The following SLC30A8 variants were observed in gnomAD, a reference collection of about 807,000 sequenced individuals.
The protein encoded by SLC30A8 is solute carrier family 30 member 8.
In SLC30A8, 27 loss-of-function variants were observed where a neutral mutation model predicts 36.9. The observed-to-expected ratio is 0.73, with a 90% confidence interval of 0.54 to 1.01. SLC30A8 has a LOEUF of 1.01. Among genes scored for constraint, SLC30A8 ranks in the 50% least tolerant of loss-of-function variants. SLC30A8 has a pLI of 0.00. For synonymous variants in SLC30A8, 164 were observed against 172.4 expected (o/e 0.95, Z 0.38); for missense variants, 439 against 452.0 (o/e 0.97, Z 0.26).
chr8:117,030,056 G>A (rs1816987531), intron 1 of SLC30A8, among the ~76,000 whole-genome samples: 1 of 151,982 alleles, frequency 6.6e-6, no homozygotes, highest in African/African-American at 2.4e-5. Context: ...CAGAGCATAG[G>A]AAATTCCCTG....
Position 117,175,118 on chromosome 8 carries a change from TTTTG to T in SLC30A8, c.*2440_*2443del. The T allele has an allele frequency of 6.6e-6, 1 of 152,152 alleles. No individual in the cohort carries two copies. The highest frequency in any genetic ancestry group is 1.5e-5 in the Non-Finnish European group (1 of 68,016). 9.4% of individuals were successfully genotyped at this position (152,152 alleles called of 1,614,324 possible). A position where few individuals can be genotyped will look rare whatever the true frequency, so the allele number is the denominator to read the frequency against. On this transcript the variant is annotated 3_prime_UTR_variant, in exon 8 of 8. Transcript: ENST00000456015. ...ACATTAATGATCTTTTATGTCTTTTTTTTGTTATTGTTATACTTTAAGTTCTGGG... is the reference window on the plus strand; with the variant it reads ...ACATTAATGATCTTTTATGTCTTTTTTTATTGTTATACTTTAAGTTCTGGG...
At chr8:117,046,575 AT>A (rs1238039438) in intron 2 of SLC30A8, among the ~76,000 whole-genome samples, 1 of 152,222 alleles carries the variant, frequency 6.6e-6, no homozygotes, top group African/African-American at 2.4e-5. Context: ...GGGAACTAAA[AT>A]TTATTGAATG....
intron 1 of SLC30A8, among the ~76,000 whole-genome samples, chr8:116,994,537 A>G (rs1815751437): frequency 2.0e-5 from 3 of 152,138 alleles, no homozygotes; most frequent in Admixed American, 2.0e-4. Flanking sequence ...GACAACATAC[A>G]GTTCTGTAGG....
intron 1 of SLC30A8, among the ~76,000 whole-genome samples, chr8:116,977,665 C>T (rs1487255455): frequency 1.3e-5 from 2 of 151,980 alleles, no homozygotes; most frequent in African/African-American, 2.4e-5. Flanking sequence ...GCGTGTGTCA[C>T]CACACCTGGC....
Position 117,067,178 on chromosome 8 carries a change from C to G in SLC30A8, c.-226+27920C>G, listed in dbSNP as rs117105034. ...CATTAGGGTAACCAGCCCCATGATT[C>G]AATTACCTCCCACCAGGTCCCTCTC... On this transcript the variant is annotated intron_variant, in intron 2 of 10. Transcript: ENST00000427715. Among the ~76,000 whole-genome samples, 49 of 152,228 alleles carry G rather than the reference C, an allele frequency of 3.2e-4. No individual in the cohort carries two copies. The East Asian group carries it at 7.9e-3, about 25-fold the overall frequency.
chr8:117,154,879 ACT>A (rs1161113505), intron 3 of SLC30A8, among the ~76,000 whole-genome samples: 1 of 151,902 alleles, frequency 6.6e-6, no homozygotes, highest in African/African-American at 2.4e-5. Flanking sequence ...TATTAATAGA[ACT>A]CTCTGCTGCG....
intron 6 of SLC30A8, among the ~76,000 whole-genome samples, chr8:117,168,406 C>A (rs1490112497): frequency 1.3e-5 from 2 of 151,976 alleles, no homozygotes; most frequent in African/African-American, 2.4e-5. Context: ...TATGAATGAT[C>A]AGTGGTTTTT....
At chr8:117,157,653 ATCTGTGTGTGGGTT>A (rs1822564210) in intron 3 of SLC30A8, 24 bp from the exon 4 acceptor site, 2 of 1,610,158 alleles carry the variant, frequency 1.2e-6, no homozygotes, top group African/African-American at 1.3e-5. Context: ...TGATGGAGTT[ATCTGTGTGTGGGTT>A]TCTGTGTGTG....
chr8:117,108,559 C>A (rs62510516), intron 2 of SLC30A8, among the ~76,000 whole-genome samples: 8,738 of 152,172 alleles, frequency 0.057, 296 homozygotes, highest in East Asian at 0.12. Flanking sequence ...ATTCTTATAA[C>A]GATCCTAAAA....
chr8:117,018,671 C>A (rs190556960), intron 1 of SLC30A8, among the ~76,000 whole-genome samples: 3 of 124,460 alleles, frequency 2.4e-5, no homozygotes, highest in Middle Eastern at 3.8e-3. Context: ...TAGCCCCCCC[C>A]CCCCTTTTTT....
chr8:116,981,807 C>T (rs1486619433), intron 1 of SLC30A8, among the ~76,000 whole-genome samples: 1 of 152,070 alleles, frequency 6.6e-6, no homozygotes, highest in African/African-American at 2.4e-5. Flanking sequence ...ATTTTAAATC[C>T]AGTCTATGAT....
At chr8:117,072,012 C>T (rs550500644) in intron 2 of SLC30A8, among the ~76,000 whole-genome samples, 2 of 152,294 alleles carry the variant, frequency 1.3e-5, no homozygotes, top group South Asian at 4.1e-4. Context: ...CAAGCTTCCT[C>T]ATCAGGAGCT....
intron 4 of SLC30A8, 51 bp from the exon 5 acceptor site, chr8:117,161,687 C>T (rs370977514): frequency 3.2e-6 from 5 of 1,539,458 alleles, no homozygotes; most frequent in Admixed American, 1.9e-5. Flanking sequence ...ATGCTGCCTA[C>T]GTTTTTAAGA....
chr8:117,124,761 C>CA (rs1388455623), intron 2 of SLC30A8, among the ~76,000 whole-genome samples: 1 of 150,780 alleles, frequency 6.6e-6, no homozygotes, highest in Non-Finnish European at 1.5e-5. Flanking sequence ...ACATTATGTA[C>CA]ATAAAGATGA....
chr8:117,078,663 G>T lies in SLC30A8; in HGVS notation c.-226+39405G>T, dbSNP rs187834251. ...TATTATGTCACTTAGCACATCAAAA[G>T]GTTTAAGTAAGACAATTCCAAAAGT... On this transcript the variant is annotated intron_variant, in intron 2 of 10. Coordinates refer to the SLC30A8 transcript ENST00000427715. Among the ~76,000 whole-genome samples the T allele has an allele frequency of 2.7e-4, 41 of 152,212 alleles. No individual in the cohort carries two copies. The East Asian group carries it at 2.7e-3, about 10-fold the overall frequency.
intron 1 of SLC30A8, among the ~76,000 whole-genome samples, chr8:116,975,273 C>T (rs919264720): frequency 2.6e-5 from 4 of 152,156 alleles, no homozygotes; most frequent in Non-Finnish European, 5.9e-5. Context: ...AGCAGAGCTA[C>T]ACTGCCAGCT....
At chr8:117,015,031 A>G (rs554696118) in intron 1 of SLC30A8, among the ~76,000 whole-genome samples, 1,696 of 151,190 alleles carry the variant, frequency 0.011, 11 homozygotes, top group South Asian at 0.023. Context: ...ATATATATAG[A>G]TATACCGAGA....
chr8:117,063,630 C>T (rs528382648), intron 2 of SLC30A8, among the ~76,000 whole-genome samples: 3 of 152,186 alleles, frequency 2.0e-5, no homozygotes, highest in East Asian at 1.9e-4. Flanking sequence ...CCCTGGCAAC[C>T]GTCAATATAG....
At chr8:117,011,614 A>G (rs1816346612) in intron 1 of SLC30A8, among the ~76,000 whole-genome samples, 1 of 152,172 alleles carries the variant, frequency 6.6e-6, no homozygotes, top group Admixed American at 6.5e-5. Context: ...GACCCTCTGT[A>G]ATTTTGCACT....
Sources: allele counts gnomAD v4.1 joint callset (sites outside exome capture counted in the v4.1 genomes callset), GRCh38; gene constraint gnomAD v4.1.1; transcripts MANE v1.5; gene names NCBI Gene and HGNC (gene_info 2026-07-23, HGNC 2026-07-21).